JAKMIP2: variants seen among roughly 807,000 people sequenced by gnomAD.
The protein encoded by JAKMIP2 is janus kinase and microtubule-interacting protein 2.
In JAKMIP2, 25 loss-of-function variants were observed where a neutral mutation model predicts 115.0. That is an observed-to-expected ratio of 0.22 (90% CI 0.16 to 0.30). JAKMIP2 has a LOEUF of 0.30. Ranked by LOEUF, JAKMIP2 falls within the 10% of genes least tolerant of loss-of-function variation. The pLI, the probability that JAKMIP2 is intolerant of heterozygous loss-of-function variation, is 1.00. For synonymous variants in JAKMIP2, 334 were observed against 343.6 expected, an observed-to-expected ratio of 0.97 and a Z score of 0.31; for missense variants, 642 against 957.6, an observed-to-expected ratio of 0.67 and a Z score of 4.35.
At chr5:147,761,142 C>A (rs1754916350) in intron 1 of JAKMIP2, among the ~76,000 whole-genome samples, 1 of 152,046 alleles carries the variant, frequency 6.6e-6, no homozygotes, top group African/African-American at 2.4e-5. Flanking sequence ...CTCAAAAATG[C>A]TTCTAAATCA....
chr5:147,620,587 G>T (rs1275161001), intron 18 of JAKMIP2, 79 bp downstream of exon 18: 3 of 978,180 alleles, frequency 3.1e-6, no homozygotes, highest in Admixed American at 2.0e-5. Context: ...TACATAGCAT[G>T]GAAAATTAAA....
intron 2 of JAKMIP2, among the ~76,000 whole-genome samples, chr5:147,668,828 G>C (rs2126799858): frequency 6.6e-6 from 1 of 152,348 alleles, no homozygotes; most frequent in Non-Finnish European, 1.5e-5. Context: ...TCAGGTGCTA[G>C]TGAAGCAGCT....
chr5:147,631,519 CA>C lies in JAKMIP2; in HGVS notation c.1777-9del. 6.5e-7 allele frequency: 1 copy of C among 1,549,062 alleles called. No homozygotes were observed. The highest frequency in any genetic ancestry group is 1.1e-5 in the South Asian group (1 of 89,422). The stretch of plus-strand genomic sequence containing the variant: ...GGATCGTCTCTCTCTCTCCTTGAAA[CA>C]CAGTGAAGAATATATGGAAATTAAA... On this transcript the variant is annotated splice_polypyrimidine_tract_variant and intron_variant, in intron 13 of 21. Coordinates refer to ENST00000616793, the MANE Select transcript of JAKMIP2 (RefSeq NM_001270941.2).
chr5:147,756,051 T>C (rs1420997447), intron 1 of JAKMIP2, among the ~76,000 whole-genome samples: 1 of 152,220 alleles, frequency 6.6e-6, no homozygotes, highest in Non-Finnish European at 1.5e-5. Flanking sequence ...TAAATGAGCA[T>C]ATCAGTGCAA....
intron 1 of JAKMIP2, among the ~76,000 whole-genome samples, chr5:147,776,297 G>C (rs1580912781): frequency 6.6e-6 from 1 of 152,210 alleles, no homozygotes; most frequent in East Asian, 1.9e-4. Context: ...CTTGGGGGTG[G>C]CTTTCCCCAT....
chr5:147,642,809 G>A (rs151103440), intron 7 of JAKMIP2, among the ~76,000 whole-genome samples: 1 of 152,144 alleles, frequency 6.6e-6, no homozygotes, highest in Non-Finnish European at 1.5e-5. Flanking sequence ...GTCTACGTGG[G>A]TGTTGCCAAA....
At chr5:147,691,800 G>A (rs958562941) in intron 1 of JAKMIP2, among the ~76,000 whole-genome samples, 2 of 151,996 alleles carry the variant, frequency 1.3e-5, no homozygotes, top group Admixed American at 1.3e-4. Flanking sequence ...CATGGGAGGG[G>A]AGTCTGTGCA....
chr5:147,676,106 G>A (rs1759939147), intron 1 of JAKMIP2, among the ~76,000 whole-genome samples: 1 of 152,102 alleles, frequency 6.6e-6, no homozygotes. Flanking sequence ...GGCCGAGGTG[G>A]GCGGATCACG....
At chr5:147,624,982 AT>A (rs1215431488) in intron 16 of JAKMIP2, among the ~76,000 whole-genome samples, 1 of 151,812 alleles carries the variant, frequency 6.6e-6, no homozygotes, top group Non-Finnish European at 1.5e-5. Flanking sequence ...TTATTTATTT[AT>A]TTATTATTAT....
At chr5:147,677,540 G>A (rs1259572121) in intron 1 of JAKMIP2, among the ~76,000 whole-genome samples, 1 of 152,146 alleles carries the variant, frequency 6.6e-6, no homozygotes, top group African/African-American at 2.4e-5. Context: ...CCTCCTGGCA[G>A]GGTACTTCTG....
intron 1 of JAKMIP2, among the ~76,000 whole-genome samples, chr5:147,748,195 CTG>C (rs1348346737): frequency 3.3e-5 from 5 of 152,086 alleles, no homozygotes; most frequent in Admixed American, 3.3e-4. Flanking sequence ...TATTGACATT[CTG>C]TGTCTTCACG....
intron 1 of JAKMIP2, among the ~76,000 whole-genome samples, chr5:147,739,869 C>G (rs185665742): frequency 5.3e-5 from 8 of 152,272 alleles, no homozygotes; most frequent in Admixed American, 5.2e-4. Context: ...GCAGGACTTT[C>G]TAGACTGATC....
intron 20 of JAKMIP2, among the ~76,000 whole-genome samples, chr5:147,610,876 T>G (rs1756281763): frequency 6.6e-6 from 1 of 152,198 alleles, no homozygotes; most frequent in Non-Finnish European, 1.5e-5. Flanking sequence ...TCAGAGATGC[T>G]CTGCCCAGAG....
chr5:147,602,747 CTTGA>C (rs1399782501), intron 20 of JAKMIP2, among the ~76,000 whole-genome samples: 3 of 152,130 alleles, frequency 2.0e-5, no homozygotes, highest in Non-Finnish European at 4.4e-5. Context: ...AAGTCTTTTA[CTTGA>C]TTATCACACT....
At chr5:147,620,839 G>C in intron 17 of JAKMIP2, 96 bp from the exon 18 acceptor site, 3 of 861,884 alleles carry the variant, frequency 3.5e-6, no homozygotes, top group South Asian at 1.5e-5. Flanking sequence ...TCTACCATAA[G>C]ACAAATCACT....
At chr5:147,653,156 T>C (rs1302910539) in intron 3 of JAKMIP2, among the ~76,000 whole-genome samples, 1 of 152,236 alleles carries the variant, frequency 6.6e-6, no homozygotes, top group Non-Finnish European at 1.5e-5. Flanking sequence ...TTGTAAATAA[T>C]GCTGCAATAA....
intron 3 of JAKMIP2, among the ~76,000 whole-genome samples, chr5:147,657,368 T>G (rs1038691797): frequency 7.2e-5 from 11 of 152,222 alleles, no homozygotes; most frequent in African/African-American, 2.7e-4. Flanking sequence ...TGTTGAGAGA[T>G]CCGCTGGTAG....
At chr5:147,623,098 AG>A (rs1756926386) in intron 17 of JAKMIP2, among the ~76,000 whole-genome samples, 1 of 152,112 alleles carries the variant, frequency 6.6e-6, no homozygotes, top group South Asian at 2.1e-4. Flanking sequence ...TATTTTTTGT[AG>A]AGATGGGTTC....
chr5:147,671,029 A>G (rs916089199), intron 2 of JAKMIP2, among the ~76,000 whole-genome samples: 1 of 152,182 alleles, frequency 6.6e-6, no homozygotes, highest in Non-Finnish European at 1.5e-5. Context: ...CAGATGCTTG[A>G]TGGTTGAGCA....
Sources: allele counts gnomAD v4.1 joint callset (sites outside exome capture counted in the v4.1 genomes callset), GRCh38; gene constraint gnomAD v4.1.1; transcripts MANE v1.5; gene names NCBI Gene and HGNC (gene_info 2026-07-23, HGNC 2026-07-21).